SDCCAG8: variants seen among roughly 807,000 people sequenced by gnomAD.
SDCCAG8 encodes the protein SHH signaling and ciliogenesis regulator SDCCAG8.
In SDCCAG8, 74 loss-of-function variants were observed where a neutral mutation model predicts 101.8. The observed-to-expected ratio is 0.73, with a 90% CI of 0.60 to 0.88. SDCCAG8 has a LOEUF of 0.88. SDCCAG8 is among the 40% of genes least tolerant of loss of function. The probability of loss-of-function intolerance (pLI) is 0.00; values close to 1 mark genes in which losing one functional copy is unlikely to be tolerated. For synonymous variants in SDCCAG8, 281 were observed against 292.9 expected, an observed-to-expected ratio of 0.96 and a Z score of 0.41; for missense variants, 787 against 822.6, an observed-to-expected ratio of 0.96 and a Z score of 0.53.
intron 12 of SDCCAG8, among the ~76,000 whole-genome samples, chr1:243,360,584 G>A (rs2076648969): frequency 6.6e-6 from 1 of 152,018 alleles, no homozygotes; most frequent in Non-Finnish European, 1.5e-5. Flanking sequence ...AGCACTTTGG[G>A]AGGCCGAGGC....
chr1:243,379,722 G>T (rs974962748), intron 13 of SDCCAG8, among the ~76,000 whole-genome samples: 1 of 152,172 alleles, frequency 6.6e-6, no homozygotes, highest in South Asian at 2.1e-4. Context: ...TCAGTTTTTA[G>T]AGAGAACTTT....
chr1:243,369,892 C>A (rs1434205613), intron 12 of SDCCAG8, among the ~76,000 whole-genome samples: 2 of 152,026 alleles, frequency 1.3e-5, no homozygotes, highest in African/African-American at 4.8e-5. Flanking sequence ...TATTTTAAGA[C>A]TTTTCTATTT....
rs146799437 is a variant in SDCCAG8, at chr1:243,491,087, G to A, written c.2112+1947G>A. Reference sequence around the variant, plus strand: ...GTCTTCCGTGGAAGCTGGAGCACACGGCAGCTTCCTTTGGGCTCTGGACTA... The same window carrying A: ...GTCTTCCGTGGAAGCTGGAGCACACAGCAGCTTCCTTTGGGCTCTGGACTA... On this transcript the variant is annotated intron_variant, in intron 17 of 17. Coordinates refer to ENST00000366541, the MANE Select transcript of SDCCAG8 (RefSeq NM_006642.5). Among the ~76,000 whole-genome samples the A allele has an allele frequency of 1.6e-3, 240 of 152,268 alleles. 1 individual carries two copies. The highest frequency in any genetic ancestry group is 5.5e-3 in the African/African-American group (230 of 41,558).
chr1:243,482,948 G>A (rs938122168), intron 16 of SDCCAG8, among the ~76,000 whole-genome samples: 4 of 152,196 alleles, frequency 2.6e-5, no homozygotes, highest in Admixed American at 6.5e-5. Context: ...GCTGTGGGGG[G>A]CTTCTTGCAG....
At chr1:243,356,814 A>G (rs1025222095) in intron 12 of SDCCAG8, among the ~76,000 whole-genome samples, 5 of 151,730 alleles carry the variant, frequency 3.3e-5, no homozygotes, top group Non-Finnish European at 7.4e-5. Flanking sequence ...GTGTGACCCC[A>G]TCTCTACAAA....
chr1:243,259,538 G>T (rs2067030147), intron 1 of SDCCAG8, among the ~76,000 whole-genome samples: 1 of 151,908 alleles, frequency 6.6e-6, no homozygotes, highest in Non-Finnish European at 1.5e-5. Context: ...TTTAAAATGA[G>T]GTTGGGCGCG....
At chr1:243,461,060 T>C (rs1000131033) in intron 16 of SDCCAG8, among the ~76,000 whole-genome samples, 1 of 152,224 alleles carries the variant, frequency 6.6e-6, no homozygotes, top group African/African-American at 2.4e-5. Context: ...CCTTGATACA[T>C]AATGAAGCCT....
chr1:243,339,145 A>AGAAAGTG (rs2075234093), intron 10 of SDCCAG8, among the ~76,000 whole-genome samples: 8 of 133,914 alleles, frequency 6.0e-5, no homozygotes, highest in East Asian at 4.6e-4. Flanking sequence ...GGGCAGAGGA[A>AGAAAGTG]GGGAATGATG....
chr1:243,474,287 A>G lies in SDCCAG8; in HGVS notation c.1986-14727A>G, dbSNP rs1013436652. ...AAGCTTTCACCCATCTCCTCCTCTC[A>G]ACCGTCATCCCGGTTTAATCCTCTC... On this transcript the variant is annotated intron_variant, in intron 16 of 17. Coordinates refer to ENST00000366541, the MANE Select transcript of SDCCAG8 (RefSeq NM_006642.5). This position sits in a 1 kb window ranked among gnomAD's most constrained non-coding sequence, Gnocchi z 4.7. Among the ~76,000 whole-genome samples the G allele has an allele frequency of 1.3e-5, 2 of 152,140 alleles. No individual in the cohort carries two copies. Among genetic ancestry groups the G allele is most frequent in the African/African-American group, 4.8e-5 (2 of 41,436 alleles).
chr1:243,286,683 A>G (rs1465721002), intron 5 of SDCCAG8, among the ~76,000 whole-genome samples: 3 of 152,214 alleles, frequency 2.0e-5, no homozygotes, highest in Non-Finnish European at 2.9e-5. Context: ...TACAGGAAGG[A>G]CTTTGCTAAG....
Position 243,487,773 on chromosome 1 carries a change from T to C in SDCCAG8, c.1986-1241T>C, listed in dbSNP as rs558677268. On this transcript the variant is annotated intron_variant, in intron 16 of 17. Coordinates refer to ENST00000366541, the MANE Select transcript of SDCCAG8 (RefSeq NM_006642.5). ...TCCTGGGAGCATGCGTAGTGCCGGCTCTGCCTGGGCGGGGTCCTAGGCTGC... is the reference window on the plus strand; with the variant it reads ...TCCTGGGAGCATGCGTAGTGCCGGCCCTGCCTGGGCGGGGTCCTAGGCTGC... 5.3e-5 allele frequency: 8 copies of C among 152,356 alleles called. No individual in the cohort carries two copies. The East Asian group carries it at 1.5e-3, about 29-fold the overall frequency. 9.4% of individuals were successfully genotyped at this position (152,356 alleles called of 1,614,324 possible).
intron 8 of SDCCAG8, among the ~76,000 whole-genome samples, chr1:243,308,584 C>T (rs189006394): frequency 3.5e-4 from 54 of 152,282 alleles, no homozygotes; most frequent in African/African-American, 8.9e-4. Flanking sequence ...TGCTGTACTT[C>T]AGGTAGAATG....
chr1:243,276,087 C>A (rs1423172585), intron 4 of SDCCAG8, among the ~76,000 whole-genome samples: 1 of 152,050 alleles, frequency 6.6e-6, no homozygotes, highest in Non-Finnish European at 1.5e-5. Flanking sequence ...TGGTCTCGAT[C>A]TCTTGACCTC....
chr1:243,270,220 C>T lies in SDCCAG8; in HGVS notation c.183C>T (p.Ala61=), dbSNP rs1173373139. 6.2e-7 allele frequency: 1 copy of T among 1,614,120 alleles called. No homozygotes were observed. The highest frequency in any genetic ancestry group is 1.1e-5 in the South Asian group (1 of 91,074). The stretch of plus-strand genomic sequence containing the variant: ...GCACCAGTGTGGGAAATGAGGACGC[C>T]AGGACAGCCTGGCCCGAATTACAAC... ...SFSTSVGNED[A]RTAWPELQQS... Residue 61 remains alanine, a synonymous_variant, in exon 2 of 18, where the codon GCC becomes GCT. Transcript: ENST00000366541.
At chr1:243,408,297 C>T (rs1281082366) in intron 13 of SDCCAG8, among the ~76,000 whole-genome samples, 1 of 152,192 alleles carries the variant, frequency 6.6e-6, no homozygotes, top group Non-Finnish European at 1.5e-5. Context: ...GGTTCCTATT[C>T]TCCATGGATT....
chr1:243,386,769 G>A (rs982223369), intron 13 of SDCCAG8, among the ~76,000 whole-genome samples: 2 of 100,944 alleles, frequency 2.0e-5, no homozygotes, highest in Admixed American at 8.8e-5. Flanking sequence ...GAAAGAAAGT[G>A]AGAGAGAGAG....
At position 243,415,697 on chromosome 1, in the gene SDCCAG8, T is replaced by A; in HGVS notation, c.1617-5T>A. On this transcript the variant is annotated splice_region_variant and splice_polypyrimidine_tract_variant and intron_variant, in intron 13 of 17. Coordinates refer to ENST00000366541, the MANE Select transcript of SDCCAG8 (RefSeq NM_006642.5). ...ATTTCTGTATGTCTCCTCTCTGTTTTGCAGACAGGAAAAAGATAGCATTCA... is the reference window on the plus strand; with the variant it reads ...ATTTCTGTATGTCTCCTCTCTGTTTAGCAGACAGGAAAAAGATAGCATTCA... 1 of 1,613,738 alleles carries A rather than the reference T, an allele frequency of 6.2e-7. No homozygotes were observed.
Position 243,256,066 on chromosome 1 carries a change from C to T in SDCCAG8, c.-108C>T, listed in dbSNP as rs751788712. The T allele has an allele frequency of 7.9e-6, 8 of 1,017,428 alleles. No homozygotes were observed. Among genetic ancestry groups the T allele is most frequent in the Non-Finnish European group, 1.3e-5 (8 of 636,612 alleles). 63.0% of individuals were successfully genotyped at this position (1,017,428 alleles called of 1,614,324 possible). On this transcript the variant is annotated 5_prime_UTR_variant, in exon 1 of 18. Coordinates refer to ENST00000366541, the MANE Select transcript of SDCCAG8 (RefSeq NM_006642.5). ...ATTCTAGGCTCCCCTGTGACAGCCG[C>T]GGCAGGAAGCAGGCGGGCGCTCCCC... is the stretch of plus-strand genomic sequence containing the variant.
chr1:243,459,752 G>T (rs545768329), intron 16 of SDCCAG8, among the ~76,000 whole-genome samples: 1 of 152,062 alleles, frequency 6.6e-6, no homozygotes, highest in African/African-American at 2.4e-5. Context: ...GACTACAGGC[G>T]TACCAACACC....
Sources: allele counts gnomAD v4.1 joint callset (sites outside exome capture counted in the v4.1 genomes callset), GRCh38; gene constraint gnomAD v4.1.1; non-coding constraint Gnocchi (gnomAD v3.1); transcripts MANE v1.5; gene names NCBI Gene and HGNC (gene_info 2026-07-23, HGNC 2026-07-21).